The following SLC38A4 variants were observed in gnomAD, a reference collection of about 807,000 sequenced individuals.
SLC38A4 encodes solute carrier family 38 member 4.
SLC38A4 carries 20 observed loss-of-function variants against 63.1 expected under a neutral mutation model. That is an observed-to-expected ratio of 0.32 (90% CI 0.22 to 0.46). SLC38A4 has a LOEUF of 0.46. Ranked by LOEUF, SLC38A4 falls within the 20% of genes least tolerant of loss-of-function variation. The pLI is 1.00. For missense variants in SLC38A4, 526 were observed against 663.6 expected (o/e 0.79, Z 2.28); for synonymous variants, 230 against 225.5 (o/e 1.02, Z -0.18).
intron 16 of SLC38A4, 129 bp downstream of exon 16, chr12:46,768,181 G>T: frequency 1.6e-6 from 1 of 612,366 alleles, no homozygotes; most frequent in South Asian, 2.1e-5. Context: ...CTACCAGAAA[G>T]TTCTAGCCCA....
chr12:46,799,010 T>G (rs921151463), intron 2 of SLC38A4, among the ~76,000 whole-genome samples: 1 of 152,196 alleles, frequency 6.6e-6, no homozygotes, highest in African/African-American at 2.4e-5. Context: ...GAAATGAAGT[T>G]AATATTATTT....
chr12:46,775,557 T>TG (rs1938506698), intron 13 of SLC38A4, among the ~76,000 whole-genome samples: 1 of 151,964 alleles, frequency 6.6e-6, no homozygotes, highest in Non-Finnish European at 1.5e-5. Context: ...TGTCCCTACC[T>TG]GCGCAGCCAC....
intron 3 of SLC38A4, among the ~76,000 whole-genome samples, chr12:46,791,725 G>T (rs1008161667): frequency 6.6e-6 from 1 of 152,152 alleles, no homozygotes; most frequent in Non-Finnish European, 1.5e-5. Flanking sequence ...CCATTAACCT[G>T]TAGTAGTGGC....
chr12:46,822,829 G>A (rs544143428), intron 1 of SLC38A4, among the ~76,000 whole-genome samples: 1 of 152,200 alleles, frequency 6.6e-6, no homozygotes, highest in East Asian at 1.9e-4. Flanking sequence ...AGATTAAGAA[G>A]TTTAAACTTT....
At chr12:46,829,204 G>C (rs1410930368), upstream of SLC38A4, among the ~76,000 whole-genome samples, 1 of 152,164 alleles carries the variant, frequency 6.6e-6, no homozygotes, top group Non-Finnish European at 1.5e-5. Flanking sequence ...AAAGGGCTTA[G>C]TATAAAGACT....
intron 1 of SLC38A4, among the ~76,000 whole-genome samples, chr12:46,824,803 A>G (rs1939614498): frequency 6.6e-6 from 1 of 152,234 alleles, no homozygotes; most frequent in African/African-American, 2.4e-5. Context: ...GATCTTATGC[A>G]AGATACAGGT....
rs540125878 is a variant in SLC38A4 at position 46,772,809 on chromosome 12, C to A, written c.1299+2240G>T. ...GAAAGAAGGAGAACACAAAATAATG[C>A]CTAAAGCTGATAGATTTTAATTCAG... On this transcript the variant is annotated intron_variant, in intron 14 of 16. Transcript: ENST00000266579. Among the ~76,000 whole-genome samples, 168 of 152,030 alleles carry A rather than the reference C, an allele frequency of 1.1e-3. 1 individual carries two copies. In the South Asian group the frequency reaches 0.015, roughly 14 times the overall value.
In SLC38A4 at chr12:46,778,503, G is replaced by T; in HGVS notation, c.991C>A (p.Arg331=). ...AGAAGCCCGGACCGCTCACTTACCCGGGAGTTGAATACAAAGTATTTGGGT... is the reference window on the plus strand; with the variant it reads ...AGAAGCCCGGACCGCTCACTTACCCTGGAGTTGAATACAAAGTATTTGGGT... ...CEPKYFVFNS[R]TAYAIPILVF... Residue 331 remains arginine, a splice_region_variant and synonymous_variant, in exon 11 of 17, where the codon CGG becomes AGG. Transcript: ENST00000266579. The T allele has an allele frequency of 6.2e-7, 1 of 1,610,264 alleles. No homozygotes were observed. Among genetic ancestry groups the T allele is most frequent in the Middle Eastern group, 1.7e-4 (1 of 6,036 alleles).
intron 7 of SLC38A4, among the ~76,000 whole-genome samples, chr12:46,783,250 TAG>T (rs1938686220): frequency 6.6e-6 from 1 of 150,762 alleles, no homozygotes; most frequent in South Asian, 2.1e-4. Flanking sequence ...GATAGATAGA[TAG>T]ATAGATAGAT....
Position 46,783,972 on chromosome 12 carries a change from C to T in SLC38A4, c.493+570G>A, listed in dbSNP as rs145679254. Among the ~76,000 whole-genome samples the T allele has an allele frequency of 3.1e-3, 466 of 151,942 alleles. 1 individual carries two copies. The highest frequency in any genetic ancestry group is 0.011 in the African/African-American group (448 of 41,458). On this transcript the variant is annotated intron_variant, in intron 7 of 16. Coordinates refer to ENST00000266579, the MANE Select transcript of SLC38A4 (RefSeq NM_018018.5). Reference sequence around the variant, plus strand: ...TATATATATATTTCTAGGTCCTACACTGGAAATGATAATTCAGTGGGAATT... The same window carrying T: ...TATATATATATTTCTAGGTCCTACATTGGAAATGATAATTCAGTGGGAATT...
At chr12:46,818,165 G>A (rs1475094295) in intron 1 of SLC38A4, among the ~76,000 whole-genome samples, 1 of 151,788 alleles carries the variant, frequency 6.6e-6, no homozygotes, top group East Asian at 1.9e-4. Context: ...GCATTTGTTT[G>A]TTATGAGATA....
upstream of SLC38A4, among the ~76,000 whole-genome samples, chr12:46,829,583 G>A (rs184308303): frequency 1.6e-3 from 241 of 152,284 alleles, 2 homozygotes; most frequent in Admixed American, 5.0e-3. Flanking sequence ...CACCACGTTT[G>A]TGCTGATAAA....
At position 46,793,196 on chromosome 12, in the gene SLC38A4, C is replaced by T. The variant is rs1592185738; in HGVS notation, c.-112-13G>A. 1 of 629,246 alleles carries T rather than the reference C, an allele frequency of 1.6e-6. No homozygotes were observed. The highest frequency in any genetic ancestry group is 2.7e-5 in the East Asian group (1 of 37,188). 39.0% of individuals were successfully genotyped at this position (629,246 alleles called of 1,614,324 possible). On this transcript the variant is annotated splice_polypyrimidine_tract_variant and intron_variant, in intron 2 of 16. Transcript: ENST00000266579. ...AGAACACTCTGTTCTGCAAACAGAA[C>T]ACAACATACATCATTATAATTTTAT...
At chr12:46,813,710 G>A (rs1011691228) in intron 1 of SLC38A4, among the ~76,000 whole-genome samples, 3 of 151,986 alleles carry the variant, frequency 2.0e-5, no homozygotes, top group African/African-American at 7.2e-5. Context: ...CCACTGCCTA[G>A]ACTTAAATCC....
chr12:46,801,980 T>G (rs571975085), intron 2 of SLC38A4, among the ~76,000 whole-genome samples: 1 of 152,156 alleles, frequency 6.6e-6, no homozygotes, highest in African/African-American at 2.4e-5. Context: ...CAGATATAGC[T>G]TACAGATAAT....
chr12:46,767,240 GT>G (rs1282592936), intron 16 of SLC38A4, among the ~76,000 whole-genome samples: 2 of 20,604 alleles, frequency 9.7e-5, no homozygotes. Flanking sequence ...GTGTATATAT[GT>G]GTGTGTGTGT....
intron 1 of SLC38A4, among the ~76,000 whole-genome samples, chr12:46,811,412 G>A (rs543685155): frequency 3.3e-5 from 5 of 151,958 alleles, no homozygotes; most frequent in Admixed American, 1.3e-4. Flanking sequence ...GGAGAAATGC[G>A]ATGGGGAGCA....
At chr12:46,828,674 T>C (rs1939691654), upstream of SLC38A4, among the ~76,000 whole-genome samples, 1 of 152,208 alleles carries the variant, frequency 6.6e-6, no homozygotes, top group African/African-American at 2.4e-5. Context: ...TTATCTATTC[T>C]TTCCTCCAGT....
intron 13 of SLC38A4, among the ~76,000 whole-genome samples, chr12:46,776,131 A>G (rs1938520175): frequency 6.6e-6 from 1 of 152,010 alleles, no homozygotes; most frequent in African/African-American, 2.4e-5. Flanking sequence ...TAAGTTAAAA[A>G]CTTTAAAAGG....
Sources: gnomAD v4.1 joint callset for allele counts (sites outside exome capture counted in the v4.1 genomes callset) on GRCh38, gnomAD v4.1.1 for gene constraint, MANE v1.5 for transcripts, NCBI Gene and HGNC (gene_info 2026-07-23, HGNC 2026-07-21) for gene names.